MAP2K5: variants seen among roughly 807,000 people sequenced by gnomAD.
MAP2K5 encodes the protein dual specificity mitogen-activated protein kinase kinase 5.
A neutral mutation model predicts 83.1 loss-of-function variants in MAP2K5; 49 were observed. That is an observed-to-expected ratio of 0.59 (90% CI 0.47 to 0.75). The LOEUF is 0.75. MAP2K5 is among the 30% of genes least tolerant of loss of function. The pLI, the probability that MAP2K5 is intolerant of heterozygous loss-of-function variation, is 0.00. For synonymous variants in MAP2K5, 202 were observed against 191.8 expected (o/e 1.05, Z -0.44); for missense variants, 457 against 557.5 (o/e 0.82, Z 1.82).
chr15:67,632,209 C>T (rs1046334738), intron 9 of MAP2K5, among the ~76,000 whole-genome samples: 24 of 151,632 alleles, frequency 1.6e-4, no homozygotes, highest in African/African-American at 5.3e-4. Flanking sequence ...AAGAGATCCT[C>T]CTACTTCAGC....
rs1489193069 is a variant in MAP2K5, at chr15:67,676,231, C to G, written c.847+11586C>G. ...GAGCTTATCAGAGGGAGAGAGAGAG[C>G]ACCTGTATGATGAATGACAGGGTCA... On this transcript the variant is annotated intron_variant, in intron 13 of 21. Transcript: ENST00000178640. The surrounding 1 kb of genome is among the most constrained non-coding windows in gnomAD (Gnocchi z 4.8). Among the ~76,000 whole-genome samples, 1 of 152,144 alleles carries G rather than the reference C, an allele frequency of 6.6e-6. No homozygotes were observed. Among genetic ancestry groups the G allele is most frequent in the African/African-American group, 2.4e-5 (1 of 41,420 alleles).
chr15:67,670,218 T>G lies in MAP2K5; in HGVS notation c.847+5573T>G, dbSNP rs542471005. ...TACCAGCTGTGTGATTCCACTTATA[T>G]GACATTCTGGAAAAGGCAGAATACA... On this transcript the variant is annotated intron_variant, in intron 13 of 21. Coordinates refer to ENST00000178640, the MANE Select transcript of MAP2K5 (RefSeq NM_145160.3). Among the ~76,000 whole-genome samples, 34 of 152,274 alleles carry G rather than the reference T, an allele frequency of 2.2e-4. No homozygotes were observed. In the South Asian group the frequency reaches 2.3e-3, roughly 10 times the overall value.
chr15:67,580,361 G>A (rs1596590853), intron 3 of MAP2K5, among the ~76,000 whole-genome samples: 1 of 152,072 alleles, frequency 6.6e-6, no homozygotes, highest in African/African-American at 2.4e-5. Context: ...TGATTAACTG[G>A]CATGTAGGTC....
intron 21 of MAP2K5, among the ~76,000 whole-genome samples, chr15:67,784,425 T>C (rs2090380796): frequency 6.6e-6 from 1 of 152,256 alleles, no homozygotes; most frequent in Admixed American, 6.5e-5. Context: ...CAGCAGAGTG[T>C]GCTTGTGAAG....
rs1596954499 is a variant in MAP2K5, at chr15:67,775,712, G to A, written c.1242+2960G>A. Among the ~76,000 whole-genome samples, 1 of 152,188 alleles carries A rather than the reference G, an allele frequency of 6.6e-6. No individual in the cohort carries two copies. Among genetic ancestry groups the A allele is most frequent in the African/African-American group, 2.4e-5 (1 of 41,440 alleles). ...AATGAGGAAAAACTGGGTAGAGAAG[G>A]TAGCATTTGAAAAGGGCCTTTGGAG... is the stretch of plus-strand genomic sequence containing the variant. On this transcript the variant is annotated intron_variant, in intron 21 of 21. Coordinates refer to ENST00000178640, the MANE Select transcript of MAP2K5 (RefSeq NM_145160.3). This position sits in a 1 kb window ranked among gnomAD's most constrained non-coding sequence, Gnocchi z 5.3.
In MAP2K5 at chr15:67,806,741, G is replaced by T; in HGVS notation, c.1338G>T (p.Gly446=). ...RALEERRSQQ[G]PP ...TGGAGGAGAGGCGGAGCCAGCAGGG[G>T]CCCCCGTGAGGCTGCCGCAGGGCAC... Residue 446 remains glycine (G), a synonymous_variant, in exon 22 of 22, where the codon GGG becomes GGT. Coordinates refer to ENST00000178640, the MANE Select transcript of MAP2K5 (RefSeq NM_145160.3). The T allele has an allele frequency of 6.4e-7, 1 of 1,554,354 alleles. No homozygotes were observed.
chr15:67,657,102 G>T (rs1290458449), intron 11 of MAP2K5, among the ~76,000 whole-genome samples: 1 of 152,192 alleles, frequency 6.6e-6, no homozygotes, highest in Non-Finnish European at 1.5e-5. Flanking sequence ...TCTAACTGAG[G>T]TTAAAAACCA....
intron 11 of MAP2K5, 83 bp downstream of exon 11, chr15:67,646,552 A>G: frequency 1.5e-6 from 1 of 667,940 alleles, no homozygotes; most frequent in Non-Finnish European, 2.5e-6. Context: ...ATAGATATCA[A>G]ATAGAATTAA....
At position 67,780,534 on chromosome 15, in the gene MAP2K5, G is replaced by T. The variant is rs185323579; in HGVS notation, c.1242+7782G>T. ...CTAAACAGATAGACAAACAAGACAT[G>T]TATCTGGTTCTCCAGGAACTCAGAG... On this transcript the variant is annotated intron_variant, in intron 21 of 21. Coordinates refer to ENST00000178640, the MANE Select transcript of MAP2K5 (RefSeq NM_145160.3). The surrounding 1 kb of genome is among the most constrained non-coding windows in gnomAD (Gnocchi z 5.0). Among the ~76,000 whole-genome samples, 2 of 152,200 alleles carry T rather than the reference G, an allele frequency of 1.3e-5. No homozygotes were observed. The highest frequency in any genetic ancestry group is 2.9e-5 in the Non-Finnish European group (2 of 68,036).
Position 67,628,128 on chromosome 15 carries a change from G to C in MAP2K5, c.546-2760G>C, listed in dbSNP as rs544700044. 718 of 900,868 alleles carry C rather than the reference G, an allele frequency of 8.0e-4. 7 individuals carry two copies. In the South Asian group the frequency reaches 9.0e-3, roughly 11 times the overall value. The allele number at this position is 900,868 out of a possible 1,614,324, so 55.8% of individuals were successfully genotyped here. ...AACAAAGAGAGCTGTCTCAAGAGGAGATTCTCAAAGACCCGGTGCCCACTT... is the reference window on the plus strand; with the variant it reads ...AACAAAGAGAGCTGTCTCAAGAGGACATTCTCAAAGACCCGGTGCCCACTT... On this transcript the variant is annotated intron_variant, in intron 8 of 21. Coordinates refer to ENST00000178640, the MANE Select transcript of MAP2K5 (RefSeq NM_145160.3).
intron 12 of MAP2K5, among the ~76,000 whole-genome samples, chr15:67,663,136 A>T (rs1490748417): frequency 6.6e-6 from 1 of 152,204 alleles, no homozygotes; most frequent in Non-Finnish European, 1.5e-5. Flanking sequence ...ATCCCCAAAT[A>T]TGTTAGGTAT....
Position 67,781,100 on chromosome 15 carries a change from G to T in MAP2K5, c.1242+8348G>T, listed in dbSNP as rs984067459. Reference sequence around the variant, plus strand: ...CACTCCCCAGCTCTTGGGAATAATGGATTCAGTTGAAAAAGATCAGAGACA... The same window carrying T: ...CACTCCCCAGCTCTTGGGAATAATGTATTCAGTTGAAAAAGATCAGAGACA... On this transcript the variant is annotated intron_variant, in intron 21 of 21. Transcript: ENST00000178640. This position sits in a 1 kb window ranked among gnomAD's most constrained non-coding sequence, Gnocchi z 4.0. 6.6e-6 allele frequency among the ~76,000 whole-genome samples: 1 copy of T among 152,166 alleles called. No homozygotes were observed.
At chr15:67,726,670 G>A (rs2089102968) in intron 16 of MAP2K5, among the ~76,000 whole-genome samples, 1 of 152,262 alleles carries the variant, frequency 6.6e-6, no homozygotes, top group Admixed American at 6.5e-5. Flanking sequence ...CAGTTCCTAG[G>A]CTTCCACTTA....
chr15:67,685,969 A>G (rs2087941231), intron 13 of MAP2K5, among the ~76,000 whole-genome samples: 1 of 152,240 alleles, frequency 6.6e-6, no homozygotes, highest in South Asian at 2.1e-4. Context: ...AAAGCCTGAG[A>G]TATCCACTTA....
At chr15:67,649,150 C>A (rs2086898532) in intron 11 of MAP2K5, among the ~76,000 whole-genome samples, 1 of 152,076 alleles carries the variant, frequency 6.6e-6, no homozygotes, top group South Asian at 2.1e-4. Flanking sequence ...TGATGTTGAG[C>A]ATCTTTTCAT....
intron 13 of MAP2K5, among the ~76,000 whole-genome samples, chr15:67,667,907 C>A (rs1226192150): frequency 6.6e-6 from 1 of 152,142 alleles, no homozygotes; most frequent in East Asian, 1.9e-4. Context: ...TAGTTTATAT[C>A]CAGTGAGGAC....
chr15:67,695,113 T>G (rs1386726231), intron 15 of MAP2K5, among the ~76,000 whole-genome samples: 9 of 115,632 alleles, frequency 7.8e-5, no homozygotes, highest in South Asian at 6.5e-4. Context: ...CTGTTGTGGG[T>G]TGGGGGGAGG....
At chr15:67,800,704 C>A (rs1221014032) in intron 21 of MAP2K5, among the ~76,000 whole-genome samples, 1 of 152,202 alleles carries the variant, frequency 6.6e-6, no homozygotes, top group Non-Finnish European at 1.5e-5. Flanking sequence ...ATGGACCACA[C>A]TGTATCCCCC....
chr15:67,763,532 C>T (rs2089989598), intron 19 of MAP2K5, among the ~76,000 whole-genome samples: 2 of 152,116 alleles, frequency 1.3e-5, no homozygotes, highest in South Asian at 4.1e-4. Context: ...TAGCTGATTT[C>T]CCAGAATCTC....
Sources: gnomAD v4.1 joint callset for allele counts (sites outside exome capture counted in the v4.1 genomes callset) on GRCh38, gnomAD v4.1.1 for gene constraint, Gnocchi (gnomAD v3.1) non-coding constraint, MANE v1.5 for transcripts, NCBI Gene and HGNC (gene_info 2026-07-23, HGNC 2026-07-21) for gene names.